Variants in GKAP1 observed in about 807,000 individuals in gnomAD.
The protein encoded by GKAP1 is G kinase anchoring protein 1.
GKAP1 carries 31 observed loss-of-function variants against 56.7 expected under a neutral mutation model. That is an observed-to-expected ratio of 0.55 (90% CI 0.41 to 0.74). The LOEUF is 0.74. Ranked by LOEUF, GKAP1 falls within the 30% of genes least tolerant of loss-of-function variation. The pLI, the probability that GKAP1 is intolerant of heterozygous loss-of-function variation, is 0.00. For synonymous variants in GKAP1, 151 were observed against 138.6 expected, an observed-to-expected ratio of 1.09 and a Z score of -0.63; for missense variants, 364 against 402.3, an observed-to-expected ratio of 0.90 and a Z score of 0.82.
chr9:83,774,117 C>T (rs1380525752), intron 7 of GKAP1, among the ~76,000 whole-genome samples: 7 of 151,910 alleles, frequency 4.6e-5, no homozygotes, highest in Non-Finnish European at 8.8e-5. Context: ...GTGATCCACC[C>T]GCCTCGGCCT....
intron 7 of GKAP1, among the ~76,000 whole-genome samples, chr9:83,771,074 T>TC (rs1215159992): frequency 1.3e-5 from 2 of 152,106 alleles, no homozygotes; most frequent in Non-Finnish European, 2.9e-5. Flanking sequence ...TCCCACATTC[T>TC]CTTTTTTTTG....
At chr9:83,802,338 G>A (rs888411929) in intron 3 of GKAP1, among the ~76,000 whole-genome samples, 8 of 151,426 alleles carry the variant, frequency 5.3e-5, no homozygotes, top group African/African-American at 1.9e-4. Context: ...AATTAGCCAG[G>A]TGTGGTGGCA....
chr9:83,758,461 G>A (rs1031980374), intron 8 of GKAP1, among the ~76,000 whole-genome samples: 5 of 152,136 alleles, frequency 3.3e-5, no homozygotes, highest in South Asian at 2.1e-4. Flanking sequence ...GGCTGGATAC[G>A]GTGGCTCATG....
At chr9:83,771,464 C>A (rs894038738) in intron 7 of GKAP1, among the ~76,000 whole-genome samples, 1 of 152,174 alleles carries the variant, frequency 6.6e-6, no homozygotes, top group Admixed American at 6.5e-5. Context: ...ATACTTTTCA[C>A]TTCACATTAT....
chr9:83,793,874 T>C (rs1433170340), intron 4 of GKAP1, among the ~76,000 whole-genome samples: 1 of 152,160 alleles, frequency 6.6e-6, no homozygotes, highest in Non-Finnish European at 1.5e-5. Flanking sequence ...TGTCATGAAA[T>C]CTGGTCAGAA....
chr9:83,791,882 C>G (rs1022731408), intron 4 of GKAP1, among the ~76,000 whole-genome samples: 2 of 152,008 alleles, frequency 1.3e-5, no homozygotes, highest in Non-Finnish European at 2.9e-5. Flanking sequence ...AATATAGATA[C>G]AATTTGGATA....
intron 8 of GKAP1, among the ~76,000 whole-genome samples, chr9:83,765,993 G>A (rs1461903470): frequency 2.6e-5 from 4 of 152,288 alleles, no homozygotes; most frequent in African/African-American, 4.8e-5. Flanking sequence ...GGGAGGGGCC[G>A]GGGCAGAATG....
intron 8 of GKAP1, among the ~76,000 whole-genome samples, chr9:83,767,977 G>A (rs1172987869): frequency 2.6e-5 from 4 of 152,164 alleles, no homozygotes; most frequent in South Asian, 2.1e-4. Flanking sequence ...GTGAGCTACC[G>A]TGCCAGGCTC....
In GKAP1 at chr9:83,746,125, T is replaced by C. The variant is rs78920582; in HGVS notation, c.904+2184A>G. 5.8e-3 allele frequency among the ~76,000 whole-genome samples: 886 copies of C among 152,266 alleles called. 7 individuals are homozygous for C. Among genetic ancestry groups the C allele is most frequent in the Non-Finnish European group, 0.011 (717 of 68,010 alleles). ...AATTCTTTAACTTCTATTTGTGTAA[T>C]AGTTAAGTTATAAAAAATATAAGGT... On this transcript the variant is annotated intron_variant, in intron 10 of 12. Transcript: ENST00000376371.
Position 83,748,356 on chromosome 9 carries a change from A to G in GKAP1, c.857T>C (p.Val286Ala). ...CAATAATTGTGCATTTCTTGCCTTT[A>G]CTTCCTTATACTTTGCCTAATAGTC... ...ITQWEAKYKE[V>A]KARNAQLLKM... The change falls in exon 10 of 13, where the codon GTA becomes GCA. Residue 286 changes from valine (V) to alanine (A), a missense_variant. Coordinates refer to ENST00000376371, the MANE Select transcript of GKAP1 (RefSeq NM_025211.4). The G allele has an allele frequency of 1.9e-6, 3 of 1,578,472 alleles. No individual in the cohort carries two copies. Among genetic ancestry groups the G allele is most frequent in the Non-Finnish European group, 2.6e-6 (3 of 1,158,682 alleles).
intron 5 of GKAP1, 71 bp from the exon 6 acceptor site, chr9:83,784,909 T>C (rs1366153502): frequency 1.8e-5 from 21 of 1,182,764 alleles, no homozygotes; most frequent in African/African-American, 3.1e-5. Flanking sequence ...ACAGGTAATA[T>C]GTTTCTTAAA....
Position 83,739,686 on chromosome 9 carries a change from G to A in GKAP1, c.*11C>T, listed in dbSNP as rs746705362. The A allele has an allele frequency of 7.5e-6, 12 of 1,597,466 alleles. No homozygotes were observed. In the Admixed American group the frequency reaches 2.1e-4, roughly 28 times the overall value. On this transcript the variant is annotated 3_prime_UTR_variant, in exon 13 of 13. Coordinates refer to ENST00000376371, the MANE Select transcript of GKAP1 (RefSeq NM_025211.4). ...TTTTAAACTTTGTGTTGACTTCAAAGGCTAATGTAATCACCTACACTGGTC... is the reference window on the plus strand; with the variant it reads ...TTTTAAACTTTGTGTTGACTTCAAAAGCTAATGTAATCACCTACACTGGTC...
chr9:83,745,245 G>C (rs1943273212), intron 10 of GKAP1, among the ~76,000 whole-genome samples: 1 of 152,106 alleles, frequency 6.6e-6, no homozygotes, highest in South Asian at 2.1e-4. Flanking sequence ...TGTTGCCCAG[G>C]CTGGTCCCAA....
At chr9:83,812,385 A>G (rs9410590) in intron 2 of GKAP1, among the ~76,000 whole-genome samples, 68,114 of 148,362 alleles carry the variant, frequency 0.46, 16,539 homozygotes, top group African/African-American at 0.61. Flanking sequence ...GGTCTTACTC[A>G]CACACCAAGG....
chr9:83,810,745 T>C (rs906708548), intron 2 of GKAP1, among the ~76,000 whole-genome samples: 1 of 152,254 alleles, frequency 6.6e-6, no homozygotes, highest in Non-Finnish European at 1.5e-5. Flanking sequence ...TAAGTTAATA[T>C]ACATAAAGTA....
intron 3 of GKAP1, among the ~76,000 whole-genome samples, chr9:83,799,701 C>G (rs1262854156): frequency 2.0e-5 from 3 of 152,180 alleles, no homozygotes; most frequent in African/African-American, 7.2e-5. Context: ...CCCCTCTAAT[C>G]TTAGCCCATT....
intron 8 of GKAP1, among the ~76,000 whole-genome samples, chr9:83,762,638 G>C (rs957423108): frequency 1.3e-5 from 2 of 152,110 alleles, no homozygotes; most frequent in African/African-American, 4.8e-5. Context: ...CATGTTACCT[G>C]ACTTCAAATT....
chr9:83,779,442 T>TACACACACACACACACAC lies in GKAP1; in HGVS notation c.585+939_585+940insGTGTGTGTGTGTGTGTGT, dbSNP rs1298986099. On this transcript the variant is annotated intron_variant, in intron 7 of 12. Coordinates refer to ENST00000376371, the MANE Select transcript of GKAP1 (RefSeq NM_025211.4). ...GTCAGAAGCCATATATATATATATA[T>TACACACACACACACACAC]ATATATACACACACACACACACGCA... 5.8e-5 allele frequency among the ~76,000 whole-genome samples: 4 copies of TACACACACACACACACAC among 69,150 alleles called. No homozygotes were observed. The East Asian group carries it at 1.5e-3, about 25-fold the overall frequency. 45.4% of individuals were successfully genotyped at this position (69,150 alleles called of 152,430 possible).
chr9:83,809,618 C>T (rs1318876119), intron 2 of GKAP1, among the ~76,000 whole-genome samples: 1 of 152,248 alleles, frequency 6.6e-6, no homozygotes, highest in Non-Finnish European at 1.5e-5. Flanking sequence ...CTTAAAGCAA[C>T]AGCCTTAAAT....
Sources: allele counts gnomAD v4.1 joint callset (sites outside exome capture counted in the v4.1 genomes callset), GRCh38; gene constraint gnomAD v4.1.1; transcripts MANE v1.5; gene names NCBI Gene and HGNC (gene_info 2026-07-23, HGNC 2026-07-21).